MED12L: variants seen among roughly 807,000 people sequenced by gnomAD.
MED12L encodes the protein mediator complex subunit 12L, also known as mediator of RNA polymerase II transcription subunit 12-like protein.
MED12L carries 60 observed loss-of-function variants against 281.3 expected under a neutral mutation model. The ratio of observed to expected loss-of-function variants is 0.21; its 90% confidence interval spans 0.17 to 0.26. The LOEUF is 0.26. MED12L is among the 10% of genes least tolerant of loss of function. The pLI is 1.00. For missense variants in MED12L, 2,146 were observed against 2,680.9 expected, an observed-to-expected ratio of 0.80 and a Z score of 4.41; for synonymous variants, 974 against 987.2, an observed-to-expected ratio of 0.99 and a Z score of 0.25.
At chr3:151,257,354 T>A (rs905152235) in intron 16 of MED12L, among the ~76,000 whole-genome samples, 3 of 152,256 alleles carry the variant, frequency 2.0e-5, no homozygotes, top group East Asian at 1.9e-4. Context: ...CCTGTTTTTT[T>A]AAATTGTTTA....
chr3:151,229,739 A>G (rs1731257646), intron 16 of MED12L, among the ~76,000 whole-genome samples: 1 of 152,176 alleles, frequency 6.6e-6, no homozygotes, highest in African/African-American at 2.4e-5. Context: ...TGCTGGGATT[A>G]CAGGCATGAG....
In MED12L at chr3:151,117,038, C is replaced by G. The variant is rs568505571; in HGVS notation, c.204+596C>G. ...GTTATTTTAGCATCAGTTGATGACT[C>G]CTGCTGAATGATTTATTTTGCTGGT... On this transcript the variant is annotated intron_variant, in intron 3 of 44. Coordinates refer to ENST00000687756, the MANE Select transcript of MED12L (RefSeq NM_001393769.1). Among the ~76,000 whole-genome samples, 41 of 152,274 alleles carry G rather than the reference C, an allele frequency of 2.7e-4. No homozygotes were observed. The South Asian group carries it at 8.1e-3, about 30-fold the overall frequency.
At chr3:151,131,972 C>T (rs993147912) in intron 5 of MED12L, among the ~76,000 whole-genome samples, 2 of 152,120 alleles carry the variant, frequency 1.3e-5, no homozygotes, top group Admixed American at 6.5e-5. Flanking sequence ...AGATAACATA[C>T]GATTCTGTTT....
intron 2 of MED12L, among the ~76,000 whole-genome samples, chr3:151,112,311 C>T (rs566145720): frequency 6.8e-6 from 1 of 147,492 alleles, no homozygotes; most frequent in Admixed American, 6.8e-5. Context: ...GATGGAGTCT[C>T]GCTCTGTTGC....
At chr3:151,402,359 CT>C (rs1374641371) in intron 39 of MED12L, among the ~76,000 whole-genome samples, 1 of 152,136 alleles carries the variant, frequency 6.6e-6, no homozygotes, top group South Asian at 2.1e-4. Flanking sequence ...ATCAGATTAC[CT>C]TTTAGTGTGC....
chr3:151,313,417 C>T (rs1210570277), intron 16 of MED12L, among the ~76,000 whole-genome samples: 3 of 151,986 alleles, frequency 2.0e-5, no homozygotes, highest in Middle Eastern at 3.2e-3. Flanking sequence ...GCAAATACAG[C>T]GTGGTTGACT....
chr3:151,337,789 G>A, intron 16 of MED12L: 2 of 1,607,088 alleles, frequency 1.2e-6, no homozygotes, highest in African/African-American at 1.3e-5. Context: ...AACACAAAGA[G>A]ATTGAAATAT....
At chr3:151,107,703 C>G (rs1722250436) in intron 2 of MED12L, among the ~76,000 whole-genome samples, 1 of 151,924 alleles carries the variant, frequency 6.6e-6, no homozygotes, top group South Asian at 2.1e-4. Context: ...ATAACAATAG[C>G]CACCATTTAT....
intron 11 of MED12L, among the ~76,000 whole-genome samples, chr3:151,176,598 T>C (rs1165331934): frequency 6.8e-6 from 1 of 146,768 alleles, no homozygotes; most frequent in Non-Finnish European, 1.5e-5. Flanking sequence ...TTTTATTACT[T>C]CTAATAAAGT....
intron 4 of MED12L, among the ~76,000 whole-genome samples, chr3:151,127,523 C>T (rs1304424547): frequency 2.0e-5 from 3 of 152,072 alleles, no homozygotes; most frequent in Non-Finnish European, 4.4e-5. Context: ...AGATGAGTAG[C>T]TCTCAGCATC....
chr3:151,268,983 T>C (rs59501054), intron 16 of MED12L, among the ~76,000 whole-genome samples: 4,061 of 152,258 alleles, frequency 0.027, 166 homozygotes, highest in African/African-American at 0.094. Flanking sequence ...TCTTGAACTT[T>C]CCTAGCGGTG....
At chr3:151,244,618 G>C (rs1734954113) in intron 16 of MED12L, among the ~76,000 whole-genome samples, 1 of 151,128 alleles carries the variant, frequency 6.6e-6, no homozygotes, top group South Asian at 2.1e-4. Flanking sequence ...ATTCAAAGCA[G>C]TGTGTAGAGG....
At chr3:151,345,717 C>T (rs1752458110) in intron 16 of MED12L, among the ~76,000 whole-genome samples, 1 of 151,916 alleles carries the variant, frequency 6.6e-6, no homozygotes, top group South Asian at 2.1e-4. Context: ...GGAGTTTTCC[C>T]ATGTTGGCCA....
intron 16 of MED12L, among the ~76,000 whole-genome samples, chr3:151,204,684 G>A (rs1726110837): frequency 6.6e-6 from 1 of 152,222 alleles, no homozygotes; most frequent in Non-Finnish European, 1.5e-5. Flanking sequence ...ATCCACTGGA[G>A]GGTAGAGGAG....
intron 11 of MED12L, among the ~76,000 whole-genome samples, chr3:151,174,571 A>G (rs1043552901): frequency 1.3e-5 from 2 of 152,180 alleles, no homozygotes; most frequent in African/African-American, 4.8e-5. Context: ...TGTTTGGTTT[A>G]TCTGATGTCA....
intron 26 of MED12L, among the ~76,000 whole-genome samples, chr3:151,369,962 T>A (rs369130191): frequency 1.3e-5 from 2 of 152,170 alleles, no homozygotes; most frequent in Non-Finnish European, 2.9e-5. Flanking sequence ...AATCTGAGTC[T>A]TAATCTTAGT....
intron 16 of MED12L, among the ~76,000 whole-genome samples, chr3:151,217,883 C>A (rs1728551366): frequency 6.6e-6 from 1 of 151,962 alleles, no homozygotes; most frequent in African/African-American, 2.4e-5. Flanking sequence ...CAGATCAGAG[C>A]AGTAATAGAC....
chr3:151,365,809 T>C (rs1009014359), intron 22 of MED12L, 41 bp from the exon 23 acceptor site: 15 of 1,529,054 alleles, frequency 9.8e-6, no homozygotes, highest in Non-Finnish European at 1.2e-5. Context: ...TATTTCTCTT[T>C]TGTACAAGGT....
At chr3:151,390,216 A>C in intron 38 of MED12L, 81 bp downstream of exon 38, 1 of 1,407,476 alleles carries the variant, frequency 7.1e-7, no homozygotes, top group Admixed American at 1.8e-5. Flanking sequence ...AAACCTCCAC[A>C]AAACTTGGAC....
Sources: allele counts gnomAD v4.1 joint callset (sites outside exome capture counted in the v4.1 genomes callset), GRCh38; gene constraint gnomAD v4.1.1; transcripts MANE v1.5; gene names NCBI Gene and HGNC (gene_info 2026-07-23, HGNC 2026-07-21).